ADK: variants seen among roughly 807,000 people sequenced by gnomAD.
ADK encodes the protein adenosine kinase.
In ADK, 24 loss-of-function variants were observed where a neutral mutation model predicts 44.7. That is an observed-to-expected ratio of 0.54 (90% confidence interval 0.39 to 0.76). The LOEUF (loss-of-function observed/expected upper bound fraction) is 0.76. ADK is among the 30% of genes least tolerant of loss of function. The pLI, the probability that ADK is intolerant of heterozygous loss-of-function variation, is 0.00. For missense variants in ADK, 321 were observed against 425.1 expected (o/e 0.76, Z 2.15); for synonymous variants, 128 against 142.6 (o/e 0.90, Z 0.73).
At chr10:74,346,478 C>T (rs910318084) in intron 4 of ADK, among the ~76,000 whole-genome samples, 26 of 151,496 alleles carry the variant, frequency 1.7e-4, no homozygotes, top group African/African-American at 6.4e-4. Context: ...AGTTACATTT[C>T]TTATATTTTG....
At position 74,151,306 on chromosome 10, in the gene ADK, C is replaced by T; in HGVS notation, c.28C>T (p.Pro10Ser). 6.5e-7 allele frequency: 1 copy of T among 1,549,574 alleles called. No homozygotes were observed. Among genetic ancestry groups the T allele is most frequent in the East Asian group, 2.4e-5 (1 of 40,922 alleles). The stretch of plus-strand genomic sequence containing the variant: ...GGCAGCTGCTGAGGAGGAGCCGAAG[C>T]CCAAAAAGCTGAAGGTGGAGGCGCC... MAAAEEEPK[P>S]KKLKVEAPQA... The change falls in exon 1 of 11, where the codon CCC becomes TCC. Residue 10 changes from proline (P) to serine (S), a missense_variant. Coordinates refer to ENST00000539909, the MANE Select transcript of ADK (RefSeq NM_006721.4).
Position 74,222,693 on chromosome 10 carries a change from G to T in ADK, c.141-1845G>T, listed in dbSNP as rs541371363. Among the ~76,000 whole-genome samples, 331 of 152,198 alleles carry T rather than the reference G, an allele frequency of 2.2e-3. 2 individuals carry two copies. The highest frequency in any genetic ancestry group is 7.5e-3 in the African/African-American group (313 of 41,522). ...ATACTATGCAGCCATAAAAAATGAT[G>T]AGTTTATGTCCTTTTTAGGGACATG... On this transcript the variant is annotated intron_variant, in intron 2 of 10. Transcript: ENST00000539909.
chr10:74,572,415 TTC>T (rs1415819655), intron 7 of ADK, among the ~76,000 whole-genome samples: 2 of 152,206 alleles, frequency 1.3e-5, no homozygotes, highest in Admixed American at 6.5e-5. Flanking sequence ...AACCCGACCT[TTC>T]TCTCTGGCTG....
At chr10:74,185,562 G>A (rs1842720014) in intron 1 of ADK, among the ~76,000 whole-genome samples, 1 of 150,576 alleles carries the variant, frequency 6.6e-6, no homozygotes, top group Non-Finnish European at 1.5e-5. Flanking sequence ...GCCGGGCGCG[G>A]TGGCTCACGC....
intron 7 of ADK, among the ~76,000 whole-genome samples, chr10:74,572,457 T>C (rs1851004167): frequency 6.6e-6 from 1 of 151,930 alleles, no homozygotes; most frequent in Non-Finnish European, 1.5e-5. Context: ...CATTTCAACT[T>C]TGGTGAATCT....
chr10:74,631,224 A>G (rs778656054), intron 9 of ADK, among the ~76,000 whole-genome samples: 13 of 151,222 alleles, frequency 8.6e-5, no homozygotes, highest in Admixed American at 2.0e-4. Flanking sequence ...TCTATATTTA[A>G]CCTGTGTGCG....
intron 7 of ADK, among the ~76,000 whole-genome samples, chr10:74,534,979 A>G (rs1372226832): frequency 6.6e-6 from 1 of 152,258 alleles, no homozygotes; most frequent in Non-Finnish European, 1.5e-5. Flanking sequence ...GAATGCAAGT[A>G]GAATGAGAAT....
intron 1 of ADK, among the ~76,000 whole-genome samples, chr10:74,187,334 T>G (rs1409332380): frequency 2.6e-5 from 4 of 152,206 alleles, no homozygotes; most frequent in African/African-American, 4.8e-5. Flanking sequence ...TTTTCACTTT[T>G]GGGCTATTAT....
At chr10:74,236,026 T>C (rs1042882664) in intron 3 of ADK, among the ~76,000 whole-genome samples, 1 of 152,218 alleles carries the variant, frequency 6.6e-6, no homozygotes, top group African/African-American at 2.4e-5. Flanking sequence ...AGAAACATAT[T>C]AATGTTTCTT....
chr10:74,383,916 T>C (rs947253100), intron 4 of ADK, among the ~76,000 whole-genome samples: 1 of 152,210 alleles, frequency 6.6e-6, no homozygotes, highest in African/African-American at 2.4e-5. Context: ...TGTTCTCAAA[T>C]TCCTTCAGCT....
At chr10:74,197,928 T>C (rs968416830) in intron 1 of ADK, among the ~76,000 whole-genome samples, 1 of 152,096 alleles carries the variant, frequency 6.6e-6, no homozygotes. Flanking sequence ...AGGGGACCAA[T>C]TGAGGGTAGA....
In ADK at chr10:74,645,011, G is replaced by A. The variant is rs531846811; in HGVS notation, c.878-25172G>A. 2.0e-5 allele frequency among the ~76,000 whole-genome samples: 3 copies of A among 152,286 alleles called. No individual in the cohort carries two copies. The East Asian group carries it at 5.8e-4, about 29-fold the overall frequency. ...AATATTAACTTCTAGGTAGTACAGA[G>A]CAGCCCACTGTGTTTCACTTTTGTA... On this transcript the variant is annotated intron_variant, in intron 9 of 10. Coordinates refer to ENST00000539909, the MANE Select transcript of ADK (RefSeq NM_006721.4).
intron 6 of ADK, among the ~76,000 whole-genome samples, chr10:74,457,304 C>G (rs980078393): frequency 6.6e-6 from 1 of 152,152 alleles, no homozygotes; most frequent in Non-Finnish European, 1.5e-5. Context: ...CCTGAATAGA[C>G]CAATAACAAG....
chr10:74,535,911 AT>A (rs1849433821), intron 7 of ADK, among the ~76,000 whole-genome samples: 2 of 152,184 alleles, frequency 1.3e-5, no homozygotes, highest in African/African-American at 4.8e-5. Context: ...ATATTAGCAA[AT>A]GATGTATCTT....
At chr10:74,214,316 A>C (rs939705068) in intron 2 of ADK, among the ~76,000 whole-genome samples, 1 of 152,118 alleles carries the variant, frequency 6.6e-6, no homozygotes, top group Admixed American at 6.6e-5. Context: ...TGGAAGAGCC[A>C]ATTAAATATG....
intron 7 of ADK, among the ~76,000 whole-genome samples, chr10:74,529,789 A>G (rs967602718): frequency 2.0e-5 from 3 of 152,196 alleles, no homozygotes; most frequent in African/African-American, 7.2e-5. Context: ...CAGTGGATAC[A>G]TAGTATATTT....
At chr10:74,354,165 TAGG>T (rs991108232) in intron 4 of ADK, among the ~76,000 whole-genome samples, 3 of 152,236 alleles carry the variant, frequency 2.0e-5, no homozygotes, top group African/African-American at 7.2e-5. Flanking sequence ...TGTGTAAGAA[TAGG>T]AGAAGGTGAA....
At chr10:74,604,328 G>A (rs573697289) in intron 9 of ADK, among the ~76,000 whole-genome samples, 8 of 152,210 alleles carry the variant, frequency 5.3e-5, no homozygotes, top group Admixed American at 3.9e-4. Context: ...CTTTGCCCAT[G>A]CCTATGTCCT....
chr10:74,212,490 G>T (rs954979533), intron 2 of ADK, among the ~76,000 whole-genome samples: 2 of 152,186 alleles, frequency 1.3e-5, no homozygotes, highest in African/African-American at 2.4e-5. Context: ...TTAAGAGTGT[G>T]CTCTGGAGCT....
Sources: gnomAD v4.1 joint callset for allele counts (sites outside exome capture counted in the v4.1 genomes callset) on GRCh38, gnomAD v4.1.1 for gene constraint, MANE v1.5 for transcripts, NCBI Gene and HGNC (gene_info 2026-07-23, HGNC 2026-07-21) for gene names.